The following MYOF variants were observed in gnomAD, a reference collection of about 807,000 sequenced individuals.
MYOF encodes myoferlin, also known as fer-1-like 3, myoferlin.
MYOF carries 244 observed loss-of-function variants against 284.2 expected under a neutral mutation model. That is an observed-to-expected ratio of 0.86 (90% CI 0.77 to 0.95). The LOEUF is 0.95. Ranked by LOEUF, MYOF falls within the 40% of genes least tolerant of loss-of-function variation. The pLI is 0.00. For missense variants in MYOF, 2,496 were observed against 2,560.6 expected, an observed-to-expected ratio of 0.97 and a Z score of 0.54; for synonymous variants, 904 against 919.7, an observed-to-expected ratio of 0.98 and a Z score of 0.31.
chr10:93,333,427 G>T, intron 42 of MYOF, 115 bp from the exon 43 acceptor site: 4 of 864,150 alleles, frequency 4.6e-6, no homozygotes, highest in Non-Finnish European at 7.6e-6. Flanking sequence ...CAAGGTGGCC[G>T]CCATGGCACC....
chr10:93,406,056 C>T (rs749687176), intron 7 of MYOF, among the ~76,000 whole-genome samples: 1 of 151,140 alleles, frequency 6.6e-6, no homozygotes, highest in Non-Finnish European at 1.5e-5. Flanking sequence ...CTCCCAGGTT[C>T]AAGCAATTCT....
At chr10:93,331,583 T>C (rs1843303988) in intron 43 of MYOF, among the ~76,000 whole-genome samples, 1 of 152,042 alleles carries the variant, frequency 6.6e-6, no homozygotes, top group Non-Finnish European at 1.5e-5. Flanking sequence ...TGCCTTTTCC[T>C]GTCTAGACCT....
intron 3 of MYOF, among the ~76,000 whole-genome samples, chr10:93,435,905 A>AT (rs1195862819): frequency 1.4e-4 from 15 of 110,980 alleles, no homozygotes; most frequent in Non-Finnish European, 2.6e-4. Flanking sequence ...CCTTGTCTCA[A>AT]AAATAATAAT....
At chr10:93,362,280 C>T (rs1452459100) in intron 27 of MYOF, among the ~76,000 whole-genome samples, 1 of 149,732 alleles carries the variant, frequency 6.7e-6, no homozygotes, top group Non-Finnish European at 1.5e-5. Flanking sequence ...GAGTTTTGCT[C>T]TGTCGCCCAG....
Position 93,323,324 on chromosome 10 carries a change from T to G in MYOF, c.5306A>C (p.Lys1769Thr). 2 of 1,613,932 alleles carry G rather than the reference T, an allele frequency of 1.2e-6. No homozygotes were observed. The highest frequency in any genetic ancestry group is 1.7e-6 in the Non-Finnish European group (2 of 1,179,820). ...KLQMWVDVFP[K>T]SLGPPGPPFN... The stretch of plus-strand genomic sequence containing the variant: ...AGGAGGGCCTGGTGGCCCCAAACTC[T>G]TGGGGAAAACATCCACCCACATCTG... The change falls in exon 47 of 54, where the codon AAG (lysine) becomes ACG (threonine). Residue 1769 changes from lysine (K) to threonine (T), a missense_variant. Transcript: ENST00000359263.
chr10:93,366,912 G>A (rs1845350146), intron 25 of MYOF, among the ~76,000 whole-genome samples: 5 of 140,068 alleles, frequency 3.6e-5, no homozygotes, highest in Middle Eastern at 3.6e-3. Context: ...GATAGTTCGC[G>A]AACCTTATCT....
chr10:93,389,235 G>A, intron 17 of MYOF, 81 bp from the exon 18 acceptor site: 1 of 1,441,288 alleles, frequency 6.9e-7, no homozygotes, highest in South Asian at 1.6e-5. Context: ...TAGTTAGTTA[G>A]GTGAGACTAT....
intron 53 of MYOF, 84 bp from the exon 54 acceptor site, chr10:93,307,085 T>C (rs1307088309): frequency 1.5e-5 from 19 of 1,288,354 alleles, no homozygotes; most frequent in Non-Finnish European, 1.8e-5. Context: ...TGAGAAAAAA[T>C]TGACATTTTG....
intron 31 of MYOF, among the ~76,000 whole-genome samples, chr10:93,354,668 T>A (rs1480944340): frequency 3.2e-5 from 4 of 123,546 alleles, no homozygotes; most frequent in South Asian, 4.9e-4. Context: ...ACACATTCAC[T>A]CTCTCTCTCT....
At chr10:93,363,840 C>T in intron 27 of MYOF, 121 bp downstream of exon 27, 1 of 730,544 alleles carries the variant, frequency 1.4e-6, no homozygotes, top group Non-Finnish European at 2.3e-6. Flanking sequence ...GTGGAAGACT[C>T]TTCAGAACAT....
chr10:93,464,814 G>A (rs1023352557), intron 1 of MYOF, among the ~76,000 whole-genome samples: 2 of 152,154 alleles, frequency 1.3e-5, no homozygotes, highest in South Asian at 2.1e-4. Context: ...TCAGCTCTTC[G>A]GTAGACAAAA....
rs570995477 is a variant in MYOF at position 93,389,871 on chromosome 10, T to G, written c.1457-717A>C. 6.6e-5 allele frequency among the ~76,000 whole-genome samples: 10 copies of G among 152,338 alleles called. No homozygotes were observed. In the East Asian group the frequency reaches 1.9e-3, roughly 29 times the overall value. On this transcript the variant is annotated intron_variant, in intron 17 of 53. Transcript: ENST00000359263. ...GGGGAAATATAAGAGTTGCCTTCAA[T>G]AGCCTGAATGGCCCCCCATGGGAGA...
At chr10:93,397,352 T>TAATTTCTGAAAA (rs755264003) in intron 14 of MYOF, 36 bp downstream of exon 14, 3 of 1,579,788 alleles carry the variant, frequency 1.9e-6, no homozygotes, top group Non-Finnish European at 2.6e-6. Context: ...ATTAAGTAAG[T>TAATTTCTGAAAA]ATTCTTACTT....
chr10:93,475,520 T>G (rs989462533), intron 1 of MYOF, among the ~76,000 whole-genome samples: 1 of 152,228 alleles, frequency 6.6e-6, no homozygotes, highest in Non-Finnish European at 1.5e-5. Flanking sequence ...GAGAGGATAT[T>G]AAACGTAAAG....
At chr10:93,335,449 G>T (rs1431191810) in intron 41 of MYOF, among the ~76,000 whole-genome samples, 1 of 152,184 alleles carries the variant, frequency 6.6e-6, no homozygotes, top group Non-Finnish European at 1.5e-5. Flanking sequence ...GGCTGGAGAG[G>T]AGTGTGACGA....
intron 25 of MYOF, 152 bp from the exon 26 acceptor site, chr10:93,366,707 G>A: frequency 3.2e-6 from 2 of 622,696 alleles, no homozygotes; most frequent in South Asian, 2.3e-5. Flanking sequence ...CCTAACTTGA[G>A]CTATTACTGA....
At chr10:93,322,787 A>C (rs777765218) in intron 48 of MYOF, among the ~76,000 whole-genome samples, 1 of 152,248 alleles carries the variant, frequency 6.6e-6, no homozygotes, top group Non-Finnish European at 1.5e-5. Flanking sequence ...CGTCCCAGAA[A>C]TAATACATCT....
Position 93,369,714 on chromosome 10 carries a change from T to C in MYOF, c.2520A>G (p.Leu840=). The C allele has an allele frequency of 6.2e-7, 1 of 1,614,244 alleles. No homozygotes were observed. Among genetic ancestry groups the C allele is most frequent in the Non-Finnish European group, 8.5e-7 (1 of 1,180,034 alleles). ...ACTTCTTCTCCACAGCACTTAAGCCTAGCCAGATGTTCACTCGCAACTCCA... is the reference window on the plus strand; with the variant it reads ...ACTTCTTCTCCACAGCACTTAAGCCCAGCCAGATGTTCACTCGCAACTCCA... The part of the protein sequence containing the change: ...VPVELRVNIW[L]GLSAVEKKFN... The change falls in exon 25 of 54, where the codon CTA becomes CTG. Residue 840 remains leucine, a synonymous_variant. Coordinates refer to ENST00000359263, the MANE Select transcript of MYOF (RefSeq NM_013451.4).
rs144536523 is a variant in MYOF, at chr10:93,390,785, A to G, written c.1457-1631T>C. Among the ~76,000 whole-genome samples the G allele has an allele frequency of 3.8e-3, 576 of 152,248 alleles. 2 individuals are homozygous for G. The highest frequency in any genetic ancestry group is 0.013 in the African/African-American group (551 of 41,554). ...ACAGAGAGAAAAGGAAGTTATTTTT[A>G]GAAGCTGAATCACACACAAAAAAGA... On this transcript the variant is annotated intron_variant, in intron 17 of 53. Transcript: ENST00000359263.
Sources: allele counts gnomAD v4.1 joint callset (sites outside exome capture counted in the v4.1 genomes callset), GRCh38; gene constraint gnomAD v4.1.1; transcripts MANE v1.5; gene names NCBI Gene and HGNC (gene_info 2026-07-23, HGNC 2026-07-21).